TMEM214: variants seen among roughly 807,000 people sequenced by gnomAD.
TMEM214 encodes the protein transmembrane protein 214.
Under a neutral mutation model 89.8 loss-of-function variants are expected in TMEM214, and 71 were observed. The observed-to-expected ratio is 0.79, with a 90% CI of 0.65 to 0.96. TMEM214 has a LOEUF of 0.96. Among genes scored for constraint, TMEM214 ranks in the 40% least tolerant of loss-of-function variants. The pLI is 0.00. For missense variants in TMEM214, 754 were observed against 843.4 expected (o/e 0.89, Z 1.31); for synonymous variants, 332 against 349.5 (o/e 0.95, Z 0.56).
chr2:27,038,673 C>T lies in TMEM214; in HGVS notation c.1294-29C>T. Reference sequence around the variant, plus strand: ...AAGCAGGATGGAAGCTCTGGATTCCCTCACAGGCCAGACCTTTCTTGTCCA... The same window carrying T: ...AAGCAGGATGGAAGCTCTGGATTCCTTCACAGGCCAGACCTTTCTTGTCCA... On this transcript the variant is annotated intron_variant, in intron 11 of 16. Transcript: ENST00000238788. This position sits in a 1 kb window ranked among gnomAD's most constrained non-coding sequence, Gnocchi z 4.4. The T allele has an allele frequency of 6.2e-7, 1 of 1,609,010 alleles. No homozygotes were observed. Among genetic ancestry groups the T allele is most frequent in the Non-Finnish European group, 8.5e-7 (1 of 1,176,002 alleles).
intron 2 of TMEM214, 131 bp downstream of exon 2, chr2:27,034,397 C>A: frequency 9.3e-7 from 1 of 1,079,972 alleles, no homozygotes; most frequent in Non-Finnish European, 1.3e-6. Context: ...GAGAGGAGTT[C>A]AGGAAAAGAT....
chr2:27,035,511 A>G (rs1572786876), intron 3 of TMEM214, 83 bp from the exon 4 acceptor site: 1 of 1,575,598 alleles, frequency 6.3e-7, no homozygotes, highest in East Asian at 2.3e-5. Context: ...GCCTCCACTC[A>G]CCATTCCCAG....
At chr2:27,035,063 C>G in intron 2 of TMEM214, 72 bp from the exon 3 acceptor site, 1 of 1,583,564 alleles carries the variant, frequency 6.3e-7, no homozygotes. Flanking sequence ...CATTTTCCCA[C>G]CCCTACCCCA....
chr2:27,035,828 C>G, intron 4 of TMEM214, 100 bp downstream of exon 4: 1 of 1,590,950 alleles, frequency 6.3e-7, no homozygotes. Context: ...GAGAAATGTG[C>G]TAACCTTAAC....
intron 8 of TMEM214, 34 bp from the exon 9 acceptor site, chr2:27,037,527 G>A (rs1235522770): frequency 6.2e-7 from 1 of 1,613,892 alleles, no homozygotes; most frequent in Non-Finnish European, 8.5e-7. Flanking sequence ...TCCACTTATA[G>A]CTTATGCCTG....
intron 13 of TMEM214, 68 bp from the exon 14 acceptor site, chr2:27,039,673 T>C: frequency 7.4e-7 from 1 of 1,345,662 alleles, no homozygotes; most frequent in Non-Finnish European, 1.1e-6. Context: ...CTCTGGGCCC[T>C]GTAGTGTCTG....
chr2:27,036,427 T>TG, intron 5 of TMEM214, 60 bp from the exon 6 acceptor site: 12 of 1,391,124 alleles, frequency 8.6e-6, no homozygotes, highest in Non-Finnish European at 1.1e-5. Flanking sequence ...CTCCTGGCTT[T>TG]GGGGGGTGCT....
At chr2:27,035,066 CT>C (rs1015143707) in intron 2 of TMEM214, 68 bp from the exon 3 acceptor site, 4 of 1,588,828 alleles carry the variant, frequency 2.5e-6, no homozygotes, top group Non-Finnish European at 3.4e-6. Context: ...TTTCCCACCC[CT>C]ACCCCATTTC....
intron 7 of TMEM214, 115 bp from the exon 8 acceptor site, chr2:27,036,962 G>A: frequency 2.7e-6 from 3 of 1,119,560 alleles, no homozygotes; most frequent in Non-Finnish European, 4.1e-6. Flanking sequence ...TTAAGGGCTG[G>A]CAGATGGGGT....
intron 13 of TMEM214, 30 bp downstream of exon 13, chr2:27,039,194 G>A (rs1223792491): frequency 6.3e-7 from 1 of 1,592,732 alleles, no homozygotes; most frequent in African/African-American, 1.3e-5. Flanking sequence ...CGAGGAGGAT[G>A]GTGTGGGCGG....
rs1667591779 is a variant in TMEM214 at position 27,036,937 on chromosome 2, A to G, written c.909-140A>G. ...CCTTAGAATGTGATGGTGAGGAAGGAAGAAGAGGGAGCTATTAAGGGCTGG... is the reference window on the plus strand; with the variant it reads ...CCTTAGAATGTGATGGTGAGGAAGGGAGAAGAGGGAGCTATTAAGGGCTGG... On this transcript the variant is annotated intron_variant, in intron 7 of 16. Coordinates refer to ENST00000238788, the MANE Select transcript of TMEM214 (RefSeq NM_017727.5). The G allele has an allele frequency of 6.4e-5, 69 of 1,081,626 alleles. 1 individual carries two copies. In the South Asian group the frequency reaches 8.9e-4, roughly 14 times the overall value. 67.0% of individuals were successfully genotyped at this position (1,081,626 alleles called of 1,614,324 possible). A position where few individuals can be genotyped will look rare whatever the true frequency, so the allele number is the denominator to read the frequency against.
At chr2:27,036,817 C>T in intron 7 of TMEM214, 31 bp downstream of exon 7, 1 of 1,609,864 alleles carries the variant, frequency 6.2e-7, no homozygotes, top group Non-Finnish European at 8.5e-7. Flanking sequence ...AAGGGGAAGG[C>T]TCAGGGTGTC....
rs761098405 is a variant in TMEM214 at position 27,035,982 on chromosome 2, A to G, written c.650A>G (p.His217Arg). Residue 217 changes from histidine to arginine, a missense_variant, in exon 5 of 17, where the codon CAT becomes CGT. Coordinates refer to ENST00000238788, the MANE Select transcript of TMEM214 (RefSeq NM_017727.5). ...ELDKTPGESLHGYRICIQAIL... is the reference protein window; with the variant it reads ...ELDKTPGESLRGYRICIQAIL... The stretch of plus-strand genomic sequence containing the variant: ...TGTATCTCTCCAGGGGAGTCACTAC[A>G]TGGTTACCGCATCTGTATCCAGGCC... The G allele has an allele frequency of 6.2e-7, 1 of 1,614,152 alleles. No individual in the cohort carries two copies. Among genetic ancestry groups the G allele is most frequent in the Non-Finnish European group, 8.5e-7 (1 of 1,180,018 alleles).
Position 27,038,654 on chromosome 2 carries a change from G to A in TMEM214, c.1294-48G>A. On this transcript the variant is annotated intron_variant, in intron 11 of 16. Coordinates refer to ENST00000238788, the MANE Select transcript of TMEM214 (RefSeq NM_017727.5). This position sits in a 1 kb window ranked among gnomAD's most constrained non-coding sequence, Gnocchi z 4.4. ...CCTGTTGGCATGGAAAATGAAGCAG[G>A]ATGGAAGCTCTGGATTCCCTCACAG... 6.2e-7 allele frequency: 1 copy of A among 1,606,600 alleles called. No homozygotes were observed. The highest frequency in any genetic ancestry group is 8.5e-7 in the Non-Finnish European group (1 of 1,174,432).
In TMEM214 at chr2:27,036,496, C is replaced by T. The variant is rs1667566193; in HGVS notation, c.730C>T (p.Leu244=). Residue 244 remains leucine, a synonymous_variant, in exon 6 of 17, where the codon CTG becomes TTG. Transcript: ENST00000238788. ...ATANLGKFLE[L]LRSHQSRPAK... ...CCACCGGTCTCCTCAGTTCCTGGAA[C>T]TGCTGAGGTCCCACCAGAGCCGACC... The T allele has an allele frequency of 1.2e-6, 2 of 1,613,918 alleles. No homozygotes were observed. Among genetic ancestry groups the T allele is most frequent in the Admixed American group, 1.7e-5 (1 of 60,002 alleles).
At position 27,035,236 on chromosome 2, in the gene TMEM214, C is replaced by G; in HGVS notation, c.453C>G (p.Tyr151Ter). ...WLKDLASYLN[Y>*]KLQAPLSEPT... ...AGGACCTGGCCAGCTATCTCAACTA[C>G]AAGCTACAAGCTCCTCTAAGTGAAC... The change falls in exon 3 of 17, where the codon TAC (tyrosine) becomes TAG (stop). Residue 151 changes from tyrosine (Y) to a stop codon, truncating the protein, a stop_gained. Coordinates refer to ENST00000238788, the MANE Select transcript of TMEM214 (RefSeq NM_017727.5). LOFTEE classifies it high-confidence loss of function. 6.2e-7 allele frequency: 1 copy of G among 1,614,242 alleles called. No individual in the cohort carries two copies. Among genetic ancestry groups the G allele is most frequent in the Non-Finnish European group, 8.5e-7 (1 of 1,180,044 alleles).
rs774133960 is a variant in TMEM214, at chr2:27,038,679, G to A, written c.1294-23G>A. On this transcript the variant is annotated intron_variant, in intron 11 of 16. Coordinates refer to ENST00000238788, the MANE Select transcript of TMEM214 (RefSeq NM_017727.5). This position sits in a 1 kb window ranked among gnomAD's most constrained non-coding sequence, Gnocchi z 4.4. ...GATGGAAGCTCTGGATTCCCTCACA[G>A]GCCAGACCTTTCTTGTCCATAGGTA... 1.9e-6 allele frequency: 3 copies of A among 1,611,290 alleles called. No individual in the cohort carries two copies. Among genetic ancestry groups the A allele is most frequent in the Admixed American group, 3.3e-5 (2 of 59,840 alleles).
chr2:27,035,948 G>A, intron 4 of TMEM214, 22 bp from the exon 5 acceptor site: 3 of 1,612,916 alleles, frequency 1.9e-6, no homozygotes, highest in South Asian at 1.1e-5. Flanking sequence ...GTGAGTAGGT[G>A]TGAGAATGTG....
intron 2 of TMEM214, chr2:27,034,470 G>A (rs773897824): frequency 5.0e-6 from 3 of 603,774 alleles, no homozygotes; most frequent in Non-Finnish European, 8.5e-6. Flanking sequence ...AATTTATAGG[G>A]AAACATGGAT....
Sources: gnomAD v4.1 joint callset for allele counts on GRCh38, gnomAD v4.1.1 for gene constraint, Gnocchi (gnomAD v3.1) non-coding constraint, MANE v1.5 for transcripts, NCBI Gene and HGNC (gene_info 2026-07-23, HGNC 2026-07-21) for gene names.